TSPEAR: variants seen among roughly 807,000 people sequenced by gnomAD.
TSPEAR encodes the protein thrombospondin-type laminin G domain and EAR repeat-containing protein.
TSPEAR carries 69 observed loss-of-function variants against 71.6 expected under a neutral mutation model. The observed-to-expected ratio is 0.96, with a 90% confidence interval of 0.79 to 1.18. The LOEUF is 1.18. Ranked by LOEUF, TSPEAR falls within the 50% of genes most tolerant of loss-of-function variation. TSPEAR has a pLI of 0.00. For synonymous variants in TSPEAR, 402 were observed against 387.2 expected (o/e 1.04, Z -0.45); for missense variants, 971 against 894.9 (o/e 1.09, Z -1.09).
intron 1 of TSPEAR, among the ~76,000 whole-genome samples, chr21:44,641,435 G>A (rs1016949735): frequency 6.6e-6 from 1 of 152,116 alleles, no homozygotes; most frequent in Non-Finnish European, 1.5e-5. Flanking sequence ...CCCCAGTTCA[G>A]GCAAGGATTG....
chr21:44,689,740 T>TATATATA (rs1555949490), intron 1 of TSPEAR, among the ~76,000 whole-genome samples: 31 of 125,112 alleles, frequency 2.5e-4, no homozygotes, highest in African/African-American at 3.0e-4. Context: ...TATATATATA[T>TATATATA]TTTGGGGGGG....
At chr21:44,526,087 T>C (rs1403713312) in intron 7 of TSPEAR, 1 of 406,126 alleles carries the variant, frequency 2.5e-6, no homozygotes, top group African/African-American at 2.0e-5. Flanking sequence ...TCTATTGCTA[T>C]CTGAAGGCAA....
Position 44,506,642 on chromosome 21 carries a change from T to C in TSPEAR, c.1755-1761A>G, listed in dbSNP as rs587689776. Among the ~76,000 whole-genome samples, 3 of 152,346 alleles carry C rather than the reference T, an allele frequency of 2.0e-5. No individual in the cohort carries two copies. The highest frequency in any genetic ancestry group is 6.5e-5 in the Admixed American group (1 of 15,306). ...ATGGTGGGTTATGATTTGGTTCCCATGCAGCCCGTGCCAGCTCGCTGGGAG... is the reference window on the plus strand; with the variant it reads ...ATGGTGGGTTATGATTTGGTTCCCACGCAGCCCGTGCCAGCTCGCTGGGAG... On this transcript the variant is annotated intron_variant, in intron 10 of 11. Coordinates refer to ENST00000323084, the MANE Select transcript of TSPEAR (RefSeq NM_144991.3). This position sits in a 1 kb window ranked among gnomAD's most constrained non-coding sequence, Gnocchi z 4.2.
intron 9 of TSPEAR, among the ~76,000 whole-genome samples, chr21:44,509,595 G>GA (rs2052308345): frequency 6.6e-6 from 1 of 151,820 alleles, no homozygotes; most frequent in African/African-American, 2.4e-5. Context: ...GCAGAGGTGT[G>GA]AGTGAGCAGC....
rs1476590318 is a variant in TSPEAR, at chr21:44,499,394, C to T, written c.*389G>A. 10 of 194,640 alleles carry T rather than the reference C, an allele frequency of 5.1e-5. No homozygotes were observed. The South Asian group carries it at 7.8e-4, about 15-fold the overall frequency. The allele number at this position is 194,640 out of a possible 1,614,324, so 12.1% of individuals were successfully genotyped here. A position where few individuals can be genotyped will look rare whatever the true frequency, so the allele number is the denominator to read the frequency against. ...CGGGACGGCACCACACCTGCTCAGG[C>T]GGCCGGACGCACACTGCAGGAGTGG... On this transcript the variant is annotated 3_prime_UTR_variant, in exon 12 of 12. Coordinates refer to ENST00000323084, the MANE Select transcript of TSPEAR (RefSeq NM_144991.3).
chr21:44,561,961 G>A (rs2053640576), intron 2 of TSPEAR, among the ~76,000 whole-genome samples: 1 of 152,138 alleles, frequency 6.6e-6, no homozygotes, highest in African/African-American at 2.4e-5. Context: ...ATTCAACATA[G>A]TATTAGAAAT....
rs1601444710 is a variant in TSPEAR, at chr21:44,582,223, C to T, written c.83-14218G>A. On this transcript the variant is annotated intron_variant, in intron 1 of 11. Coordinates refer to ENST00000323084, the MANE Select transcript of TSPEAR (RefSeq NM_144991.3). ...CACCGCGTGAGGGGTGACTCTGCAGCCCATTTTGACAGTTGCAGAAATGAT... is the reference window on the plus strand; with the variant it reads ...CACCGCGTGAGGGGTGACTCTGCAGTCCATTTTGACAGTTGCAGAAATGAT... Among the ~76,000 whole-genome samples, 2 of 152,194 alleles carry T rather than the reference C, an allele frequency of 1.3e-5. 1 individual carries two copies. Among genetic ancestry groups the T allele is most frequent in the African/African-American group, 4.8e-5 (2 of 41,438 alleles).
rs138031432 is a variant in TSPEAR, at chr21:44,533,869, C to T, written c.358G>A (p.Gly120Ser). ...AGCTGGGCAGGTGACAACCGCAGGC[C>T]GAGCAGCAGCAGGTCGCTCTCCTCT... ...VAEESDLLLL[G>S]LRLSPAQLHF... Residue 120 changes from glycine to serine, a missense_variant, in exon 3 of 12, where the codon GGC becomes AGC. Transcript: ENST00000323084. 134 of 1,612,214 alleles carry T rather than the reference C, an allele frequency of 8.3e-5. No individual in the cohort carries two copies. The highest frequency in any genetic ancestry group is 4.4e-4 in the South Asian group (40 of 91,056).
At position 44,504,793 on chromosome 21, in the gene TSPEAR, T is replaced by G. The variant is rs1555911658; in HGVS notation, c.1843A>C (p.Ser615Arg). ...SFDGRTFSVN[S>R]IIYRWQGYEG... ...GCAGCTCATTACCTGTAAATAATAC[T>G]GTTCACCGAGAAGGTACGCCCATCG... Residue 615 changes from serine (S) to arginine (R), a missense_variant, in exon 11 of 12, where the codon AGT becomes CGT. Physicochemically the swap from Ser to Arg is moderately radical, Grantham distance 110. Transcript: ENST00000323084. 1 of 1,612,616 alleles carries G rather than the reference T, an allele frequency of 6.2e-7. No individual in the cohort carries two copies. Among genetic ancestry groups the G allele is most frequent in the African/African-American group, 1.3e-5 (1 of 74,694 alleles).
rs781791467 is a variant in TSPEAR at position 44,642,570 on chromosome 21, G to A, written c.82+68863C>T. Among the ~76,000 whole-genome samples, 29 of 152,182 alleles carry A rather than the reference G, an allele frequency of 1.9e-4. No homozygotes were observed. Among genetic ancestry groups the A allele is most frequent in the African/African-American group, 5.1e-4 (21 of 41,444 alleles). ...CAAAAAATTAAAAATGGGGCCGGGC[G>A]CAGTGGCTCATGCCTGTAATCCCAG... is the stretch of plus-strand genomic sequence containing the variant. On this transcript the variant is annotated intron_variant, in intron 1 of 11. Transcript: ENST00000323084. The surrounding 1 kb of genome is among the most constrained non-coding windows in gnomAD (Gnocchi z 4.1).
intron 1 of TSPEAR, chr21:44,580,545 C>G (rs376826211): frequency 2.0e-5 from 33 of 1,613,520 alleles, no homozygotes; most frequent in Non-Finnish European, 2.8e-5. Flanking sequence ...TCAGAGCAAG[C>G]GCTGGAGCAG....
At chr21:44,624,386 T>C (rs1982637088) in intron 1 of TSPEAR, among the ~76,000 whole-genome samples, 1 of 152,236 alleles carries the variant, frequency 6.6e-6, no homozygotes, top group Non-Finnish European at 1.5e-5. Context: ...GTTTCTCTTG[T>C]TTGCTTTTTC....
At chr21:44,609,636 T>G (rs782047793) in intron 1 of TSPEAR, among the ~76,000 whole-genome samples, 1 of 152,226 alleles carries the variant, frequency 6.6e-6, no homozygotes, top group African/African-American at 2.4e-5. Flanking sequence ...ATTGTTATAT[T>G]TGAACCTCTT....
intron 1 of TSPEAR, among the ~76,000 whole-genome samples, chr21:44,631,245 A>G (rs1555935668): frequency 2.0e-5 from 3 of 152,248 alleles, no homozygotes; most frequent in Non-Finnish European, 4.4e-5. Context: ...CCAAGAGAGA[A>G]TATCAATAAA....
intron 2 of TSPEAR, chr21:44,538,912 A>T (rs1442939801): frequency 9.1e-6 from 3 of 328,372 alleles, no homozygotes; most frequent in Non-Finnish European, 1.7e-5. Flanking sequence ...CCTAAAAATA[A>T]TCATGGCTGG....
chr21:44,528,145 C>T (rs1035407675), intron 6 of TSPEAR, among the ~76,000 whole-genome samples: 4 of 152,186 alleles, frequency 2.6e-5, no homozygotes, highest in Admixed American at 1.3e-4. Flanking sequence ...TGGAGGTTCA[C>T]ATTTCCAATT....
chr21:44,604,863 A>G (rs1555929593), intron 1 of TSPEAR, among the ~76,000 whole-genome samples: 1 of 152,176 alleles, frequency 6.6e-6, no homozygotes, highest in Admixed American at 6.5e-5. Flanking sequence ...TTTTGTCTCT[A>G]ATGTTAGTGT....
chr21:44,533,288 G>A (rs1555915925), intron 3 of TSPEAR, among the ~76,000 whole-genome samples: 1 of 152,204 alleles, frequency 6.6e-6, no homozygotes. Flanking sequence ...GCCCACAGAT[G>A]GTGAGCCTGC....
chr21:44,690,273 C>A (rs143937349), intron 1 of TSPEAR, among the ~76,000 whole-genome samples: 3 of 152,292 alleles, frequency 2.0e-5, no homozygotes, highest in African/African-American at 7.2e-5. Flanking sequence ...GAATGATGAG[C>A]GGATGCACAA....
Sources: allele counts gnomAD v4.1 joint callset (sites outside exome capture counted in the v4.1 genomes callset), GRCh38; gene constraint gnomAD v4.1.1; non-coding constraint Gnocchi (gnomAD v3.1); transcripts MANE v1.5; gene names NCBI Gene and HGNC (gene_info 2026-07-23, HGNC 2026-07-21).